COG5: variants seen among roughly 807,000 people sequenced by gnomAD.
The protein encoded by COG5 is conserved oligomeric Golgi complex subunit 5.
In COG5, 86 loss-of-function variants were observed where a neutral mutation model predicts 110.4. The observed-to-expected ratio is 0.78, with a 90% CI of 0.65 to 0.93. The LOEUF (loss-of-function observed/expected upper bound fraction) is 0.93, where lower values mean the gene tolerates loss of function less well. Ranked by LOEUF, COG5 falls within the 40% of genes least tolerant of loss-of-function variation. The pLI is 0.00. For synonymous variants in COG5, 360 were observed against 334.6 expected, an observed-to-expected ratio of 1.08 and a Z score of -0.83; for missense variants, 1,077 against 987.0, an observed-to-expected ratio of 1.09 and a Z score of -1.22.
At chr7:107,311,854 A>C (rs1283754829) in intron 11 of COG5, among the ~76,000 whole-genome samples, 1 of 151,858 alleles carries the variant, frequency 6.6e-6, no homozygotes, top group African/African-American at 2.4e-5. Flanking sequence ...CCATGCAAAA[A>C]ATTTTTTAAC....
At chr7:107,314,831 C>T (rs1808588093) in intron 11 of COG5, among the ~76,000 whole-genome samples, 1 of 152,118 alleles carries the variant, frequency 6.6e-6, no homozygotes, top group Non-Finnish European at 1.5e-5. Flanking sequence ...TTTGTTCTGC[C>T]AAACAGAACA....
At chr7:107,503,169 G>C (rs1798743971) in intron 6 of COG5, among the ~76,000 whole-genome samples, 1 of 152,072 alleles carries the variant, frequency 6.6e-6, no homozygotes, top group African/African-American at 2.4e-5. Context: ...ATCTTGGGTT[G>C]ATTTTTATAT....
chr7:107,249,404 A>G (rs1445812668), intron 16 of COG5, among the ~76,000 whole-genome samples: 6 of 152,120 alleles, frequency 3.9e-5, no homozygotes. Context: ...CATGGTTGGG[A>G]AACTGTTCAA....
intron 6 of COG5, among the ~76,000 whole-genome samples, chr7:107,439,141 G>A (rs1188243124): frequency 6.6e-6 from 1 of 152,036 alleles, no homozygotes; most frequent in African/African-American, 2.4e-5. Flanking sequence ...TGTACACTAG[G>A]TTCTATGCCC....
chr7:107,373,542 C>G (rs1814372943), intron 7 of COG5, among the ~76,000 whole-genome samples: 1 of 151,976 alleles, frequency 6.6e-6, no homozygotes, highest in Admixed American at 6.6e-5. Context: ...GTGGTATTAG[C>G]AAAAGTGCTG....
chr7:107,325,773 A>G (rs1809715805), intron 10 of COG5, among the ~76,000 whole-genome samples: 1 of 152,234 alleles, frequency 6.6e-6, no homozygotes, highest in African/African-American at 2.4e-5. Context: ...AAAATGACCA[A>G]TGAAAAATAC....
Position 107,400,109 on chromosome 7 carries a change from C to T in COG5, c.669+12393G>A, listed in dbSNP as rs1791315336. ...ATATAAGCTGAAACTAAGACTTGTA[C>T]TTGAGTGTTAATGCAGCTTTATTTA... On this transcript the variant is annotated intron_variant, in intron 7 of 21. Coordinates refer to ENST00000297135, the MANE Select transcript of COG5 (RefSeq NM_006348.5). Among the ~76,000 whole-genome samples, 2 of 151,830 alleles carry T rather than the reference C, an allele frequency of 1.3e-5. 1 individual carries two copies. Among genetic ancestry groups the T allele is most frequent in the South Asian group, 4.1e-4 (2 of 4,826 alleles).
At chr7:107,527,737 T>C (rs1359408072) in intron 5 of COG5, among the ~76,000 whole-genome samples, 1 of 152,204 alleles carries the variant, frequency 6.6e-6, no homozygotes, top group Non-Finnish European at 1.5e-5. Context: ...GAACTTGGAA[T>C]TGAGGCACTG....
intron 6 of COG5, among the ~76,000 whole-genome samples, chr7:107,477,404 GC>G (rs1189799871): frequency 2.0e-5 from 3 of 151,518 alleles, no homozygotes; most frequent in African/African-American, 7.3e-5. Context: ...TTATAACTAT[GC>G]CAAAGAACTC....
At chr7:107,347,359 T>C (rs937879112) in intron 10 of COG5, among the ~76,000 whole-genome samples, 1 of 152,120 alleles carries the variant, frequency 6.6e-6, no homozygotes, top group Non-Finnish European at 1.5e-5. Context: ...AGAGAGAGAA[T>C]GAATCAGTAT....
Position 107,324,495 on chromosome 7 carries a change from T to C in COG5, c.1053A>G (p.Thr351=). ...GTGCCTGAGTAACTGAATTCCAAAA[T>C]GTGTAGAAAATTTCCGGTTGTCCAT... ...VKDGQPEIFY[T]FWNSVTQALS... Residue 351 remains threonine, a synonymous_variant, in exon 11 of 22, where the codon ACA becomes ACG. Transcript: ENST00000297135. The C allele has an allele frequency of 1.2e-6, 2 of 1,606,100 alleles. No homozygotes were observed. Among genetic ancestry groups the C allele is most frequent in the Non-Finnish European group, 1.7e-6 (2 of 1,175,812 alleles).
intron 6 of COG5, among the ~76,000 whole-genome samples, chr7:107,429,397 T>A (rs1026170007): frequency 6.6e-5 from 10 of 152,128 alleles, no homozygotes; most frequent in African/African-American, 2.2e-4. Flanking sequence ...CACCTTTTCA[T>A]GTGCTCATTG....
At chr7:107,217,703 A>G (rs1319269818) in intron 19 of COG5, among the ~76,000 whole-genome samples, 3 of 152,166 alleles carry the variant, frequency 2.0e-5, no homozygotes, top group Non-Finnish European at 2.9e-5. Flanking sequence ...CTTTTATAAT[A>G]AAAACTCTCA....
In COG5 at chr7:107,362,363, G is replaced by A. The variant is rs1562989657; in HGVS notation, c.893C>T (p.Ser298Leu). 6.2e-7 allele frequency: 1 copy of A among 1,613,968 alleles called. No homozygotes were observed. The highest frequency in any genetic ancestry group is 8.5e-7 in the Non-Finnish European group (1 of 1,179,874). Reference protein sequence around the residue: ...TPGNTAALRASFWTNMEKLMD... With the variant: ...TPGNTAALRALFWTNMEKLMD... ...AAGTTTCTCCATATTGGTCCAGAAT[G>A]AGGCACGCAAAGCTGCAGTATTTCC... The change falls in exon 9 of 22, where the codon TCA (serine) becomes TTA (leucine). Residue 298 changes from serine to leucine, a missense_variant. Physicochemically the swap from Ser to Leu is moderately radical, Grantham distance 145. Transcript: ENST00000297135.
intron 12 of COG5, among the ~76,000 whole-genome samples, chr7:107,293,965 G>A (rs536604808): frequency 2.0e-5 from 3 of 152,128 alleles, no homozygotes; most frequent in East Asian, 1.9e-4. Context: ...CCAGCTGCTC[G>A]GGAGGCTGAG....
chr7:107,519,523 G>A (rs991345210), intron 6 of COG5, among the ~76,000 whole-genome samples: 6 of 150,984 alleles, frequency 4.0e-5, no homozygotes, highest in Non-Finnish European at 7.4e-5. Flanking sequence ...AAACCTCTAC[G>A]CAAATGAACT....
At chr7:107,355,985 T>C (rs557344688) in intron 10 of COG5, among the ~76,000 whole-genome samples, 2 of 152,372 alleles carry the variant, frequency 1.3e-5, no homozygotes, top group African/African-American at 2.4e-5. Context: ...TAGCACGGTA[T>C]AGTCCCATGG....
intron 19 of COG5, among the ~76,000 whole-genome samples, chr7:107,227,585 T>C (rs1183509930): frequency 6.6e-6 from 1 of 152,142 alleles, no homozygotes; most frequent in Non-Finnish European, 1.5e-5. Context: ...AAAATAGATG[T>C]CTTAAGTGAA....
chr7:107,487,452 T>G (rs1049535006), intron 6 of COG5, among the ~76,000 whole-genome samples: 1 of 152,136 alleles, frequency 6.6e-6, no homozygotes, highest in African/African-American at 2.4e-5. Context: ...TCCTCTCACC[T>G]GGGACTCCCG....
Sources: gnomAD v4.1 joint callset for allele counts (sites outside exome capture counted in the v4.1 genomes callset) on GRCh38, gnomAD v4.1.1 for gene constraint, MANE v1.5 for transcripts, NCBI Gene and HGNC (gene_info 2026-07-23, HGNC 2026-07-21) for gene names.